Variants in HOMER1 observed in about 807,000 individuals in gnomAD.
HOMER1 encodes the protein homer scaffold protein 1, also known as homer protein homolog 1.
A neutral mutation model predicts 48.9 loss-of-function variants in HOMER1; 3 were observed. That is an observed-to-expected ratio of 0.06 (90% CI 0.03 to 0.16). HOMER1 has a LOEUF of 0.16. HOMER1 is among the 10% of genes least tolerant of loss of function. The pLI is 1.00. For missense variants in HOMER1, 247 were observed against 411.4 expected (o/e 0.60, Z 3.46); for synonymous variants, 134 against 146.4 (o/e 0.92, Z 0.61).
At chr5:79,392,606 G>A (rs1195404891) in intron 8 of HOMER1, among the ~76,000 whole-genome samples, 2 of 151,992 alleles carry the variant, frequency 1.3e-5, no homozygotes, top group African/African-American at 4.8e-5. Flanking sequence ...GTAAGCTAAG[G>A]CTAATTTATT....
intron 8 of HOMER1, among the ~76,000 whole-genome samples, chr5:79,379,097 TATATATATATATATATAAA>T (rs1748861166): frequency 1.6e-5 from 1 of 60,998 alleles, no homozygotes; most frequent in Non-Finnish European, 2.6e-5. Context: ...TATATATATA[TATATATATATATATATAAA>T]ATATATAAAT....
chr5:79,457,766 C>T (rs1328930654), intron 1 of HOMER1, among the ~76,000 whole-genome samples: 1 of 152,096 alleles, frequency 6.6e-6, no homozygotes, highest in African/African-American at 2.4e-5. Flanking sequence ...GTATTTTTCC[C>T]TAAGAGCAAT....
intron 8 of HOMER1, among the ~76,000 whole-genome samples, chr5:79,394,534 C>T (rs1264137653): frequency 1.3e-5 from 2 of 152,108 alleles, no homozygotes; most frequent in African/African-American, 4.8e-5. Context: ...ATTTCAAGTG[C>T]CAGCTATAAA....
At chr5:79,381,169 T>C (rs530548839) in intron 8 of HOMER1, among the ~76,000 whole-genome samples, 3 of 152,166 alleles carry the variant, frequency 2.0e-5, no homozygotes, top group African/African-American at 7.2e-5. Context: ...GGTGTCCCAG[T>C]CCCCAGCAAA....
At chr5:79,461,095 G>A (rs569244646) in intron 1 of HOMER1, among the ~76,000 whole-genome samples, 105 of 152,284 alleles carry the variant, frequency 6.9e-4, no homozygotes, top group African/African-American at 2.3e-3. Flanking sequence ...TGCAGAGTTT[G>A]GGGAATCACC....
At chr5:79,445,605 C>G (rs1750854230) in intron 4 of HOMER1, among the ~76,000 whole-genome samples, 1 of 152,168 alleles carries the variant, frequency 6.6e-6, no homozygotes, top group Non-Finnish European at 1.5e-5. Flanking sequence ...TTCCAACTGT[C>G]AGATTTAAGT....
At chr5:79,443,869 T>C (rs1561365943) in intron 4 of HOMER1, among the ~76,000 whole-genome samples, 1 of 152,192 alleles carries the variant, frequency 6.6e-6, no homozygotes, top group African/African-American at 2.4e-5. Context: ...TGATCAATGA[T>C]TCTATAAGTA....
At chr5:79,427,665 T>TTTCCTTCCCTTCCTTCCTTCCCTTCC (rs771176283) in intron 5 of HOMER1, among the ~76,000 whole-genome samples, 1 of 107,648 alleles carries the variant, frequency 9.3e-6, no homozygotes, top group African/African-American at 4.1e-5. Flanking sequence ...CCTTCCTTCC[T>TTTCCTTCCCTTCCTTCCTTCCCTTCC]TTCCTTCCCT....
rs149178493 is a variant in HOMER1 at position 79,472,902 on chromosome 5, C to T, written c.6-15884G>A. On this transcript the variant is annotated intron_variant, in intron 1 of 8. Transcript: ENST00000334082. ...TCTTACAAAAGAAATCAGCCACAAA[C>T]TTCCAACTGATCCAAGTTTTGCCAT... Among the ~76,000 whole-genome samples the T allele has an allele frequency of 3.9e-5, 6 of 152,322 alleles. No individual in the cohort carries two copies. In the East Asian group the frequency reaches 1.2e-3, roughly 29 times the overall value.
chr5:79,416,905 C>T (rs1312464582), intron 5 of HOMER1, among the ~76,000 whole-genome samples: 2 of 152,132 alleles, frequency 1.3e-5, no homozygotes. Context: ...GTTCAAAGTG[C>T]CTTACAGGTG....
intron 8 of HOMER1, among the ~76,000 whole-genome samples, chr5:79,382,610 A>G (rs1005728710): frequency 1.3e-5 from 2 of 152,252 alleles, no homozygotes; most frequent in African/African-American, 4.8e-5. Flanking sequence ...CAGAAAAGCA[A>G]AAGCTGAAAG....
intron 5 of HOMER1, among the ~76,000 whole-genome samples, chr5:79,424,188 T>C (rs988322671): frequency 6.6e-6 from 1 of 152,072 alleles, no homozygotes; most frequent in Non-Finnish European, 1.5e-5. Flanking sequence ...CTTTCTATAA[T>C]AGAAGAGCAC....
At chr5:79,493,280 C>A (rs542461617) in intron 1 of HOMER1, among the ~76,000 whole-genome samples, 1 of 152,144 alleles carries the variant, frequency 6.6e-6, no homozygotes, top group African/African-American at 2.4e-5. Flanking sequence ...TAGATTTAGA[C>A]GGCTTCAAGA....
chr5:79,480,886 G>C (rs1402526882), intron 1 of HOMER1, among the ~76,000 whole-genome samples: 1 of 152,146 alleles, frequency 6.6e-6, no homozygotes, highest in Non-Finnish European at 1.5e-5. Flanking sequence ...CTAGTGGGGA[G>C]GGGAGGCAGA....
Position 79,502,893 on chromosome 5 carries a change from C to T in HOMER1, c.5+9877G>A, listed in dbSNP as rs1396345540. ...GCAAGCTCCGCCTCCAGGGTTCACG[C>T]CATTCTCCTGCCTCAGCCTCCCGAG... On this transcript the variant is annotated intron_variant, in intron 1 of 8. Coordinates refer to ENST00000334082, the MANE Select transcript of HOMER1 (RefSeq NM_004272.5). 2.0e-5 allele frequency among the ~76,000 whole-genome samples: 3 copies of T among 152,176 alleles called. No individual in the cohort carries two copies. The East Asian group carries it at 5.8e-4, about 29-fold the overall frequency.
rs1180664205 is a variant in HOMER1, at chr5:79,512,836, GA to G, written c.-63del. The G allele has an allele frequency of 6.4e-7, 1 of 1,555,096 alleles. No individual in the cohort carries two copies. The highest frequency in any genetic ancestry group is 1.4e-5 in the African/African-American group (1 of 73,640). On this transcript the variant is annotated 5_prime_UTR_variant, in exon 1 of 9. Transcript: ENST00000334082. ...TTATGCTACGGAATAACTTCCAAAG[GA>G]ATTTCTCCGTCTGCTATTTCGCAGT...
rs3082001 is a variant in HOMER1, at chr5:79,392,954, G to GGAGA, written c.876+3865_876+3868dup. On this transcript the variant is annotated intron_variant, in intron 8 of 8. Coordinates refer to ENST00000334082, the MANE Select transcript of HOMER1 (RefSeq NM_004272.5). ...GGGAGGGAGGGAAAAGAAGGGAAAG[G>GGAGA]GAGAGAGAGAGAGAGAGAGAGAGAG... Among the ~76,000 whole-genome samples the GGAGA allele has an allele frequency of 7.4e-3, 1,036 of 140,928 alleles. 8 individuals carry two copies. The highest frequency in any genetic ancestry group is 0.019 in the African/African-American group (717 of 36,984). 92.5% of individuals were successfully genotyped at this position (140,928 alleles called of 152,430 possible).
chr5:79,455,221 A>G (rs1751137366), intron 2 of HOMER1, among the ~76,000 whole-genome samples: 1 of 152,000 alleles, frequency 6.6e-6, no homozygotes, highest in Admixed American at 6.6e-5. Flanking sequence ...ACAGGCACAA[A>G]CCTCAGTGCC....
intron 1 of HOMER1, among the ~76,000 whole-genome samples, chr5:79,470,855 C>T (rs185878389): frequency 1.3e-5 from 2 of 152,074 alleles, no homozygotes; most frequent in Admixed American, 1.3e-4. Context: ...CATAAAATGT[C>T]CTATATAATA....
Sources: gnomAD v4.1 joint callset for allele counts (sites outside exome capture counted in the v4.1 genomes callset) on GRCh38, gnomAD v4.1.1 for gene constraint, MANE v1.5 for transcripts, NCBI Gene and HGNC (gene_info 2026-07-23, HGNC 2026-07-21) for gene names.